The following MLXIP variants were observed in gnomAD, a reference collection of about 807,000 sequenced individuals.
The protein encoded by MLXIP is MLX-interacting protein.
Under a neutral mutation model 87.2 loss-of-function variants are expected in MLXIP, and 30 were observed. That is an observed-to-expected ratio of 0.34 (90% CI 0.26 to 0.47). The LOEUF (loss-of-function observed/expected upper bound fraction) is 0.47. Ranked by LOEUF, MLXIP falls within the 20% of genes least tolerant of loss-of-function variation. The pLI is 1.00. For synonymous variants in MLXIP, 530 were observed against 514.0 expected, an observed-to-expected ratio of 1.03 and a Z score of -0.42; for missense variants, 1,002 against 1,240.1, an observed-to-expected ratio of 0.81 and a Z score of 2.88.
At chr12:122,132,067 G>T (rs1230310459) in intron 7 of MLXIP, among the ~76,000 whole-genome samples, 1 of 151,906 alleles carries the variant, frequency 6.6e-6, no homozygotes, top group African/African-American at 2.4e-5. Flanking sequence ...GGGACTACAG[G>T]CATGTGCCAC....
chr12:122,120,236 C>T (rs372642655), intron 1 of MLXIP, among the ~76,000 whole-genome samples: 7 of 147,914 alleles, frequency 4.7e-5, no homozygotes, highest in African/African-American at 1.7e-4. Context: ...TTCTTTTCTT[C>T]TTTTGAGACA....
chr12:122,114,404 A>G (rs1055004663), intron 1 of MLXIP, among the ~76,000 whole-genome samples: 1 of 152,230 alleles, frequency 6.6e-6, no homozygotes, highest in Non-Finnish European at 1.5e-5. Flanking sequence ...TGGTTGCAGT[A>G]TATTATAAGG....
chr12:122,094,679 C>T (rs1489335223), intron 1 of MLXIP, among the ~76,000 whole-genome samples: 1,807 of 100,260 alleles, frequency 0.018, 42 homozygotes, highest in African/African-American at 0.067. Context: ...GGTGTGTGTG[C>T]GATGTCTGTT....
At chr12:122,090,349 T>A (rs937842983) in intron 1 of MLXIP, among the ~76,000 whole-genome samples, 1 of 151,846 alleles carries the variant, frequency 6.6e-6, no homozygotes, top group Non-Finnish European at 1.5e-5. Context: ...TACAAAAAAA[T>A]TAGCTGGTGT....
intron 8 of MLXIP, 132 bp downstream of exon 8, chr12:122,132,515 C>A: frequency 1.4e-6 from 1 of 701,782 alleles, no homozygotes; most frequent in Non-Finnish European, 2.4e-6. Context: ...AGTGCTAGAC[C>A]AGCACTAATG....
chr12:122,140,563 G>T (rs2098258037), intron 15 of MLXIP, among the ~76,000 whole-genome samples: 1 of 152,088 alleles, frequency 6.6e-6, no homozygotes, highest in Non-Finnish European at 1.5e-5. Context: ...CAAAGTGCTG[G>T]GATTATAGAC....
chr12:122,115,269 G>A (rs1952671917), intron 1 of MLXIP, among the ~76,000 whole-genome samples: 1 of 151,914 alleles, frequency 6.6e-6, no homozygotes, highest in Non-Finnish European at 1.5e-5. Context: ...GGCAGGCAGG[G>A]AAGCAGTACA....
chr12:122,140,843 G>A, intron 15 of MLXIP, 111 bp from the exon 16 acceptor site: 2 of 1,522,874 alleles, frequency 1.3e-6, no homozygotes, highest in Admixed American at 1.7e-5. Context: ...ATTCTCTGTG[G>A]GCAGATACTT....
chr12:122,125,810 C>A (rs1952872840), intron 1 of MLXIP, among the ~76,000 whole-genome samples: 1 of 152,210 alleles, frequency 6.6e-6, no homozygotes, highest in Non-Finnish European at 1.5e-5. Flanking sequence ...AACCTTCTGG[C>A]CTGTATTGCC....
chr12:122,116,113 A>G (rs960171630), intron 1 of MLXIP, among the ~76,000 whole-genome samples: 1 of 151,390 alleles, frequency 6.6e-6, no homozygotes, highest in African/African-American at 2.4e-5. Flanking sequence ...ATGACTGTAA[A>G]TGACGTGTAG....
chr12:122,087,476 A>G (rs1952185415), intron 1 of MLXIP, among the ~76,000 whole-genome samples: 2 of 152,044 alleles, frequency 1.3e-5, no homozygotes. Context: ...TCTGAAACCT[A>G]AGTGTCAAGT....
chr12:122,135,632 TG>T lies in MLXIP; in HGVS notation c.2003del (p.Gly668AlafsTer50). 6.5e-7 allele frequency: 1 copy of T among 1,549,094 alleles called. No individual in the cohort carries two copies. The highest frequency in any genetic ancestry group is 8.7e-7 in the Non-Finnish European group (1 of 1,148,836). Reference sequence around the variant, plus strand: ...GGAAGGGCGAGCAGGTCCCGCTGCATGGGGGCAGCCCCCAGGTCACTGTCAC... The same window carrying T: ...GGAAGGGCGAGCAGGTCCCGCTGCATGGGGCAGCCCCCAGGTCACTGTCAC... The part of the protein sequence containing the change: ...LGKGEQVPLH[G>X]GSPQVTVTGP... On this transcript the variant is annotated frameshift_variant, in exon 11 of 17. Coordinates refer to ENST00000319080, the MANE Select transcript of MLXIP (RefSeq NM_014938.6). LOFTEE classifies it high-confidence loss of function. The surrounding 1 kb of genome is among the most constrained non-coding windows in gnomAD (Gnocchi z 5.3).
chr12:122,087,199 A>T (rs1401569676), intron 1 of MLXIP, among the ~76,000 whole-genome samples: 2 of 152,230 alleles, frequency 1.3e-5, no homozygotes, highest in Non-Finnish European at 2.9e-5. Context: ...TTTTCCCTCC[A>T]GAAGTATTAA....
At position 122,133,186 on chromosome 12, in the gene MLXIP, AAC is replaced by A. The variant is rs1228992658; in HGVS notation, c.1093-158_1093-157del. 4.1e-6 allele frequency: 3 copies of A among 727,734 alleles called. No homozygotes were observed. Among genetic ancestry groups the A allele is most frequent in the Non-Finnish European group, 6.3e-6 (3 of 477,690 alleles). 45.1% of individuals were successfully genotyped at this position (727,734 alleles called of 1,614,324 possible). ...CAAGACCCCCGCAGACACGCAGGGA[AAC>A]ACAAATCCCTATCAGATCAGCAGCC... is the stretch of plus-strand genomic sequence containing the variant. On this transcript the variant is annotated intron_variant, in intron 8 of 16. Coordinates refer to ENST00000319080, the MANE Select transcript of MLXIP (RefSeq NM_014938.6). This position sits in a 1 kb window ranked among gnomAD's most constrained non-coding sequence, Gnocchi z 4.9.
At chr12:122,101,030 CA>C (rs1952427868) in intron 1 of MLXIP, among the ~76,000 whole-genome samples, 2 of 152,034 alleles carry the variant, frequency 1.3e-5, no homozygotes, top group Admixed American at 1.3e-4. Flanking sequence ...CTCAACTCTT[CA>C]AAAAATTATA....
chr12:122,141,826 A>C lies in MLXIP; in HGVS notation c.*14A>C. 1 of 1,612,668 alleles carries C rather than the reference A, an allele frequency of 6.2e-7. No homozygotes were observed. The highest frequency in any genetic ancestry group is 8.5e-7 in the Non-Finnish European group (1 of 1,179,682). ...GGAGAGTCCTAGCTGCTTAGCTGGCATGTGGCCGCATGAGATGCCAGGAGA... is the reference window on the plus strand; with the variant it reads ...GGAGAGTCCTAGCTGCTTAGCTGGCCTGTGGCCGCATGAGATGCCAGGAGA... On this transcript the variant is annotated 3_prime_UTR_variant, in exon 17 of 17. Coordinates refer to ENST00000319080, the MANE Select transcript of MLXIP (RefSeq NM_014938.6).
chr12:122,099,982 CAT>C (rs1952413550), intron 1 of MLXIP, among the ~76,000 whole-genome samples: 1 of 152,112 alleles, frequency 6.6e-6, no homozygotes, highest in Non-Finnish European at 1.5e-5. Context: ...TATACCCCGA[CAT>C]TTGAAGAGCC....
intron 1 of MLXIP, among the ~76,000 whole-genome samples, chr12:122,087,990 G>A (rs911140546): frequency 1.3e-5 from 2 of 152,218 alleles, no homozygotes; most frequent in African/African-American, 4.8e-5. Context: ...GCGGTCAGCT[G>A]TGAAGCTGGG....
intron 11 of MLXIP, chr12:122,136,411 G>A (rs548637587): frequency 7.0e-6 from 1 of 142,272 alleles, no homozygotes; most frequent in Non-Finnish European, 1.5e-5. Context: ...TCAGGAGTTC[G>A]AGACCAGCCC....
Sources: gnomAD v4.1 joint callset for allele counts (sites outside exome capture counted in the v4.1 genomes callset) on GRCh38, gnomAD v4.1.1 for gene constraint, Gnocchi (gnomAD v3.1) non-coding constraint, MANE v1.5 for transcripts, NCBI Gene and HGNC (gene_info 2026-07-23, HGNC 2026-07-21) for gene names.